Variants in FAM184A observed in about 807,000 individuals in gnomAD.
FAM184A encodes the protein family with sequence similarity 184 member A.
A neutral mutation model predicts 143.8 loss-of-function variants in FAM184A; 99 were observed. The ratio of observed to expected loss-of-function variants is 0.69; its 90% CI spans 0.58 to 0.81. The LOEUF is 0.81. Among genes scored for constraint, FAM184A ranks in the 40% least tolerant of loss-of-function variants. FAM184A has a pLI of 0.00. For synonymous variants in FAM184A, 427 were observed against 446.4 expected (o/e 0.96, Z 0.55); for missense variants, 1,217 against 1,310.5 (o/e 0.93, Z 1.10).
chr6:119,130,858 CTTTTTTT>C (rs67738048), intron 1 of FAM184A, among the ~76,000 whole-genome samples: 2 of 131,712 alleles, frequency 1.5e-5, no homozygotes, highest in South Asian at 2.5e-4. Context: ...TTCTTTTTTT[CTTTTTTT>C]TTTTTTTTTT....
chr6:119,134,939 G>T lies in FAM184A; in HGVS notation c.-202+14139C>A, dbSNP rs192589255. On this transcript the variant is annotated intron_variant, in intron 1 of 16. Coordinates refer to the FAM184A transcript ENST00000352896. ...CCTATAACCATGTCCAGAAATTTTT[G>T]CAATATTGCATTTTGCATATTGGAG... Among the ~76,000 whole-genome samples the T allele has an allele frequency of 2.8e-3, 431 of 152,260 alleles. 6 individuals carry two copies. The highest frequency in any genetic ancestry group is 1.0e-2 in the African/African-American group (414 of 41,552).
chr6:119,140,100 G>A (rs528109433), intron 1 of FAM184A, among the ~76,000 whole-genome samples: 1 of 152,300 alleles, frequency 6.6e-6, no homozygotes, highest in Non-Finnish European at 1.5e-5. Flanking sequence ...AAACGGATTA[G>A]TAAAAAAATA....
At chr6:119,054,820 C>G (rs1786897010) in intron 1 of FAM184A, among the ~76,000 whole-genome samples, 1 of 152,090 alleles carries the variant, frequency 6.6e-6, no homozygotes, top group African/African-American at 2.4e-5. Flanking sequence ...GTCCTATACT[C>G]AGGAATATTC....
At chr6:118,992,002 G>A (rs537154415) in intron 9 of FAM184A, among the ~76,000 whole-genome samples, 2 of 151,824 alleles carry the variant, frequency 1.3e-5, no homozygotes, top group Admixed American at 6.6e-5. Flanking sequence ...CTGACCTCGT[G>A]ATCCGCCTGC....
In FAM184A at chr6:119,024,257, A is replaced by C; in HGVS notation, c.716T>G (p.Leu239Arg). 7 of 1,614,146 alleles carry C rather than the reference A, an allele frequency of 4.3e-6. No individual in the cohort carries two copies. Among genetic ancestry groups the C allele is most frequent in the Non-Finnish European group, 5.9e-6 (7 of 1,180,026 alleles). ...ATCCTCAATTAGTTTCTTCCGTTCA[A>C]GTCTTAGCTCCTCAAGCATTTTGTT... ...SLNKMLEELR[L>R]ERKKLIEDYE... The change falls in exon 2 of 18, where the codon CTT (leucine) becomes CGT (arginine). Residue 239 changes from leucine (L) to arginine (R), a missense_variant. Leu to Arg is a moderately radical substitution (Grantham distance 102, BLOSUM62 -2). Transcript: ENST00000338891.
intron 1 of FAM184A, among the ~76,000 whole-genome samples, chr6:119,105,455 A>G (rs1465986331): frequency 2.0e-5 from 3 of 152,106 alleles, no homozygotes; most frequent in Admixed American, 6.5e-5. Flanking sequence ...CTGCTCCACC[A>G]TGGTAAGACC....
At chr6:118,999,498 A>G (rs906296001) in intron 9 of FAM184A, among the ~76,000 whole-genome samples, 48 of 152,290 alleles carry the variant, frequency 3.2e-4, no homozygotes, top group African/African-American at 1.0e-3. Flanking sequence ...ATGCCTGGGA[A>G]ATATACACAT....
upstream of FAM184A, chr6:119,079,231 G>T (rs1787991037): frequency 6.6e-6 from 1 of 152,074 alleles, no homozygotes; most frequent in Non-Finnish European, 1.5e-5. Flanking sequence ...CCCGGCCACT[G>T]CCCCCAGTTC....
intron 1 of FAM184A, among the ~76,000 whole-genome samples, chr6:119,101,245 T>C (rs995242215): frequency 2.0e-5 from 3 of 151,628 alleles, no homozygotes; most frequent in African/African-American, 7.3e-5. Context: ...TTTTTTTGTA[T>C]TTTTTTAGTA....
intron 4 of FAM184A, among the ~76,000 whole-genome samples, chr6:119,019,056 C>T (rs1214342840): frequency 4.6e-5 from 7 of 151,800 alleles, no homozygotes; most frequent in Admixed American, 2.0e-4. Context: ...CTGGCCTGGA[C>T]CTAAAGATTT....
chr6:118,979,302 G>C, intron 11 of FAM184A, 63 bp downstream of exon 11: 4 of 1,451,794 alleles, frequency 2.8e-6, no homozygotes, highest in Non-Finnish European at 3.7e-6. Flanking sequence ...ATTTTATGTT[G>C]AATTTAAAAA....
chr6:118,976,311 T>C (rs1783845268), intron 11 of FAM184A, among the ~76,000 whole-genome samples: 1 of 152,226 alleles, frequency 6.6e-6, no homozygotes, highest in Admixed American at 6.5e-5. Context: ...GCTTTCAGTA[T>C]GCAGGTAAAG....
intron 1 of FAM184A, among the ~76,000 whole-genome samples, chr6:119,036,412 A>G (rs1243188121): frequency 6.6e-6 from 1 of 152,138 alleles, no homozygotes; most frequent in African/African-American, 2.4e-5. Context: ...TTAAAATCCA[A>G]TTGCATTGGG....
intron 1 of FAM184A, among the ~76,000 whole-genome samples, chr6:119,042,733 T>C (rs1391302104): frequency 6.6e-6 from 1 of 152,166 alleles, no homozygotes; most frequent in Non-Finnish European, 1.5e-5. Flanking sequence ...CCATGGACTT[T>C]AGGTAATAAT....
At chr6:119,089,423 G>A (rs918574112) in intron 1 of FAM184A, among the ~76,000 whole-genome samples, 8 of 151,684 alleles carry the variant, frequency 5.3e-5, no homozygotes, top group Middle Eastern at 3.4e-3. Context: ...AACTCCTGAC[G>A]TCAAATGATC....
chr6:119,133,951 G>A (rs1171939611), intron 1 of FAM184A, among the ~76,000 whole-genome samples: 1 of 151,526 alleles, frequency 6.6e-6, no homozygotes, highest in African/African-American at 2.4e-5. Context: ...CAAAGTGTTG[G>A]GATTACTGGT....
At chr6:118,986,568 G>A (rs1784202963) in intron 9 of FAM184A, among the ~76,000 whole-genome samples, 1 of 152,112 alleles carries the variant, frequency 6.6e-6, no homozygotes, top group Admixed American at 6.5e-5. Context: ...TGACTATAAT[G>A]TTATAAAAGA....
chr6:118,994,030 G>GCA (rs1784463876), intron 9 of FAM184A, among the ~76,000 whole-genome samples: 1 of 152,134 alleles, frequency 6.6e-6, no homozygotes, highest in Non-Finnish European at 1.5e-5. Flanking sequence ...CAGGGGCTGT[G>GCA]CACACACTGC....
At position 119,147,566 on chromosome 6, in the gene FAM184A, G is replaced by C. The variant is rs1772493262; in HGVS notation, c.-202+1512C>G. Among the ~76,000 whole-genome samples, 2 of 152,260 alleles carry C rather than the reference G, an allele frequency of 1.3e-5. 1 individual carries two copies. The highest frequency in any genetic ancestry group is 3.9e-4 in the East Asian group (2 of 5,184). On this transcript the variant is annotated intron_variant, in intron 1 of 16. Coordinates refer to the FAM184A transcript ENST00000352896. ...AAAATAGATCTTTGACCCACTCTCT[G>C]TACCAGAGAAGGAAACCAACCCCCT...
Sources: gnomAD v4.1 joint callset for allele counts (sites outside exome capture counted in the v4.1 genomes callset) on GRCh38, gnomAD v4.1.1 for gene constraint, MANE v1.5 for transcripts, NCBI Gene and HGNC (gene_info 2026-07-23, HGNC 2026-07-21) for gene names.